The following CSMD1 variants were observed in gnomAD, a reference collection of about 807,000 sequenced individuals.
The protein encoded by CSMD1 is CUB and Sushi multiple domains 1, also known as CUB and sushi domain-containing protein 1.
A neutral mutation model predicts 417.5 loss-of-function variants in CSMD1; 213 were observed. The observed-to-expected ratio is 0.51, with a 90% CI of 0.46 to 0.57. The LOEUF (loss-of-function observed/expected upper bound fraction) is 0.57, where lower values mean the gene tolerates loss of function less well. Among genes scored for constraint, CSMD1 ranks in the 20% least tolerant of loss-of-function variants. The probability of loss-of-function intolerance (pLI) is 0.00; values close to 1 mark genes in which losing one functional copy is unlikely to be tolerated. For missense variants in CSMD1, 6,923 were observed against 4,529.7 expected (o/e 1.53, Z -15.17); for synonymous variants, 2,862 against 1,736.8 (o/e 1.65, Z -16.11).
At chr8:4,942,945 G>A (rs771110767) in intron 1 of CSMD1, among the ~76,000 whole-genome samples, 13 of 152,160 alleles carry the variant, frequency 8.5e-5, no homozygotes, top group Non-Finnish European at 1.6e-4. Context: ...TGATGGGTGT[G>A]CATTCAGGAT....
chr8:4,355,992 G>C (rs371251913), intron 3 of CSMD1, among the ~76,000 whole-genome samples: 24 of 152,112 alleles, frequency 1.6e-4, no homozygotes, highest in African/African-American at 5.8e-4. Context: ...CATGATATTG[G>C]GGTACATGTG....
chr8:3,474,440 C>T (rs143544888), intron 11 of CSMD1, among the ~76,000 whole-genome samples: 330 of 152,160 alleles, frequency 2.2e-3, no homozygotes, highest in African/African-American at 7.5e-3. Context: ...ATGTAACCAA[C>T]CTGCACCCCT....
chr8:3,601,825 C>T (rs936438765), intron 8 of CSMD1, among the ~76,000 whole-genome samples: 1 of 152,190 alleles, frequency 6.6e-6, no homozygotes, highest in African/African-American at 2.4e-5. Context: ...TCAAATGATT[C>T]ATTCTGTTTC....
At chr8:3,136,797 C>T (rs1818126514) in intron 41 of CSMD1, among the ~76,000 whole-genome samples, 1 of 152,132 alleles carries the variant, frequency 6.6e-6, no homozygotes, top group African/African-American at 2.4e-5. Flanking sequence ...TGGCTGAAAG[C>T]ACAATCCCTT....
intron 3 of CSMD1, among the ~76,000 whole-genome samples, chr8:4,057,877 T>C (rs959162608): frequency 6.6e-6 from 1 of 152,214 alleles, no homozygotes; most frequent in Non-Finnish European, 1.5e-5. Flanking sequence ...GGCTGTGTTC[T>C]GTTCCATTGA....
At chr8:4,819,564 A>C (rs1010393339) in intron 1 of CSMD1, among the ~76,000 whole-genome samples, 1 of 152,192 alleles carries the variant, frequency 6.6e-6, no homozygotes, top group African/African-American at 2.4e-5. Context: ...TGACTGTCTC[A>C]TAAGTAAAAT....
At chr8:4,579,319 AACAT>A (rs143610926) in intron 2 of CSMD1, among the ~76,000 whole-genome samples, 3 of 149,502 alleles carry the variant, frequency 2.0e-5, no homozygotes, top group South Asian at 2.1e-4. Context: ...GTGAAGTTTA[AACAT>A]ACATACATAC....
intron 3 of CSMD1, among the ~76,000 whole-genome samples, chr8:4,272,160 G>T (rs1301213448): frequency 6.6e-6 from 1 of 152,106 alleles, no homozygotes; most frequent in Non-Finnish European, 1.5e-5. Flanking sequence ...ATTAATCTCA[G>T]CATGCTGGTA....
At chr8:4,501,831 C>T (rs1407560659) in intron 2 of CSMD1, among the ~76,000 whole-genome samples, 2 of 151,980 alleles carry the variant, frequency 1.3e-5, no homozygotes, top group African/African-American at 2.4e-5. Context: ...TATAAATGAA[C>T]CTTTATCAGA....
intron 3 of CSMD1, among the ~76,000 whole-genome samples, chr8:4,047,293 A>C (rs968308905): frequency 6.6e-6 from 1 of 152,178 alleles, no homozygotes; most frequent in Non-Finnish European, 1.5e-5. Context: ...GGGAGGAAGG[A>C]GAGAGACATA....
At chr8:4,035,790 T>G (rs1165271598) in intron 3 of CSMD1, among the ~76,000 whole-genome samples, 1 of 152,226 alleles carries the variant, frequency 6.6e-6, no homozygotes, top group African/African-American at 2.4e-5. Flanking sequence ...AATTTATGAT[T>G]AAAAAAGAAA....
chr8:4,801,181 C>A (rs941157892), intron 1 of CSMD1, among the ~76,000 whole-genome samples: 1 of 152,188 alleles, frequency 6.6e-6, no homozygotes, highest in South Asian at 2.1e-4. Context: ...ACTGTCTGTG[C>A]CCTTTTCCTA....
At chr8:3,655,986 T>G (rs373876900) in intron 7 of CSMD1, among the ~76,000 whole-genome samples, 1 of 152,078 alleles carries the variant, frequency 6.6e-6, no homozygotes, top group Admixed American at 6.5e-5. Context: ...CCCCTTTCAC[T>G]GAAAGGGTTG....
At chr8:3,073,266 C>G (rs1813433015) in intron 49 of CSMD1, among the ~76,000 whole-genome samples, 2 of 152,010 alleles carry the variant, frequency 1.3e-5, no homozygotes, top group African/African-American at 4.8e-5. Flanking sequence ...AACAGCATGT[C>G]CAGAAATAGA....
intron 3 of CSMD1, among the ~76,000 whole-genome samples, chr8:4,048,206 G>A (rs564924946): frequency 6.6e-6 from 1 of 152,094 alleles, no homozygotes; most frequent in Non-Finnish European, 1.5e-5. Flanking sequence ...TTTTCATATT[G>A]AATAACATAC....
chr8:4,157,211 T>G (rs988766127), intron 3 of CSMD1, among the ~76,000 whole-genome samples: 2 of 152,326 alleles, frequency 1.3e-5, no homozygotes, highest in East Asian at 1.9e-4. Context: ...TACATTTCAG[T>G]GTCCACAGAA....
chr8:3,287,681 A>C (rs1294334230), intron 25 of CSMD1, among the ~76,000 whole-genome samples: 1 of 152,202 alleles, frequency 6.6e-6, no homozygotes, highest in Non-Finnish European at 1.5e-5. Flanking sequence ...GAAGTTGCCC[A>C]TCAGCTTAAG....
At chr8:3,793,202 T>C (rs1456443831) in intron 5 of CSMD1, among the ~76,000 whole-genome samples, 2 of 152,188 alleles carry the variant, frequency 1.3e-5, no homozygotes, top group Non-Finnish European at 2.9e-5. Flanking sequence ...TTAGCAATTT[T>C]TCTCTCAACC....
chr8:3,977,133 CT>C (rs1303822519), intron 5 of CSMD1, among the ~76,000 whole-genome samples: 1 of 152,142 alleles, frequency 6.6e-6, no homozygotes, highest in Admixed American at 6.5e-5. Context: ...TCAGATGAAA[CT>C]TTCATGATGA....
Sources: allele counts gnomAD v4.1 joint callset (sites outside exome capture counted in the v4.1 genomes callset), GRCh38; gene constraint gnomAD v4.1.1; transcripts MANE v1.5; gene names NCBI Gene and HGNC (gene_info 2026-07-23, HGNC 2026-07-21).